Variants in NPFFR2 observed in about 807,000 individuals in gnomAD.
NPFFR2 encodes G-protein coupled receptor 74.
NPFFR2 carries 15 observed loss-of-function variants against 13.1 expected under a neutral mutation model. That is an observed-to-expected ratio of 1.15 (90% confidence interval 0.77 to 1.76). The LOEUF is 1.76. NPFFR2 is among the 40% of genes most tolerant of loss of function. The pLI is 0.00. For missense variants in NPFFR2, 572 were observed against 503.5 expected, an observed-to-expected ratio of 1.14 and a Z score of -1.30; for synonymous variants, 190 against 175.7, an observed-to-expected ratio of 1.08 and a Z score of -0.65.
rs1016258822 is a variant in NPFFR2, at chr4:72,104,208, A to G, written c.-7-24377A>G. Among the ~76,000 whole-genome samples the G allele has an allele frequency of 2.0e-5, 3 of 152,098 alleles. No individual in the cohort carries two copies. The East Asian group carries it at 5.8e-4, about 29-fold the overall frequency. On this transcript the variant is annotated intron_variant, in intron 1 of 3. Transcript: ENST00000308744. ...GAAAGAACATTCTTTCACAAGAAATAGAGAAGCTACCATGATAATAAAAGC... is the reference window on the plus strand; with the variant it reads ...GAAAGAACATTCTTTCACAAGAAATGGAGAAGCTACCATGATAATAAAAGC...
At chr4:72,088,305 T>A (rs1181449184) in intron 1 of NPFFR2, among the ~76,000 whole-genome samples, 1 of 152,066 alleles carries the variant, frequency 6.6e-6, no homozygotes, top group Non-Finnish European at 1.5e-5. Flanking sequence ...TCTACCACAT[T>A]CTTCTTTTCT....
intron 1 of NPFFR2, among the ~76,000 whole-genome samples, chr4:72,082,039 A>G (rs1259564668): frequency 6.6e-6 from 1 of 152,184 alleles, no homozygotes; most frequent in Non-Finnish European, 1.5e-5. Flanking sequence ...AGTAGCTTTA[A>G]GTAGACCACA....
intron 1 of NPFFR2, among the ~76,000 whole-genome samples, chr4:72,089,079 A>G (rs1720845048): frequency 6.6e-6 from 1 of 151,980 alleles, no homozygotes; most frequent in Non-Finnish European, 1.5e-5. Flanking sequence ...GAACATAACG[A>G]TGTTTGGTTT....
intron 1 of NPFFR2, among the ~76,000 whole-genome samples, chr4:72,076,883 G>A (rs1024752427): frequency 4.6e-5 from 7 of 152,128 alleles, no homozygotes; most frequent in African/African-American, 1.7e-4. Flanking sequence ...GAAACAGTCT[G>A]CACTGTCAGT....
intron 1 of NPFFR2, among the ~76,000 whole-genome samples, chr4:72,068,407 C>G: frequency 6.6e-6 from 1 of 152,258 alleles, no homozygotes; most frequent in African/African-American, 2.4e-5. Flanking sequence ...AAGGCTTAGT[C>G]CCATTTATTA....
intron 1 of NPFFR2, among the ~76,000 whole-genome samples, chr4:72,081,078 C>A: frequency 6.6e-6 from 1 of 152,204 alleles, no homozygotes; most frequent in East Asian, 1.9e-4. Context: ...TTCAAGATGA[C>A]TGTTTAATGA....
chr4:72,068,113 C>T (rs1720128259), intron 1 of NPFFR2, among the ~76,000 whole-genome samples: 1 of 152,210 alleles, frequency 6.6e-6, no homozygotes, highest in Admixed American at 6.5e-5. Flanking sequence ...TATAGCAACA[C>T]CCACTTCTTT....
In NPFFR2 at chr4:72,066,077, C is replaced by T. The variant is rs116375316; in HGVS notation, c.-8+33877C>T. ...ACAGAAATTTGTTTTCCCATAGTTC[C>T]GGAGCTTTGGAAGTCCAAGATCAAG... On this transcript the variant is annotated intron_variant, in intron 1 of 3. Transcript: ENST00000308744. Among the ~76,000 whole-genome samples, 361 of 152,258 alleles carry T rather than the reference C, an allele frequency of 2.4e-3. 2 individuals are homozygous for T. Among genetic ancestry groups the T allele is most frequent in the African/African-American group, 8.0e-3 (333 of 41,568 alleles).
intron 1 of NPFFR2, among the ~76,000 whole-genome samples, chr4:72,038,422 T>C (rs996006492): frequency 7.9e-5 from 12 of 152,186 alleles, no homozygotes; most frequent in Non-Finnish European, 1.6e-4. Context: ...ACTCAGAAAA[T>C]ATTTGTTCTG....
chr4:72,123,862 G>A (rs1721963139), intron 1 of NPFFR2, among the ~76,000 whole-genome samples: 2 of 152,206 alleles, frequency 1.3e-5, no homozygotes. Context: ...ACAAGTCAGG[G>A]ATGACCTCTC....
chr4:72,138,216 C>G (rs1722479329), intron 3 of NPFFR2, 77 bp downstream of exon 3: 1 of 871,552 alleles, frequency 1.1e-6, no homozygotes. Flanking sequence ...ATATAACCTA[C>G]TAAATTTGGA....
chr4:72,055,097 C>T (rs1314085207), intron 1 of NPFFR2, among the ~76,000 whole-genome samples: 1 of 151,696 alleles, frequency 6.6e-6, no homozygotes, highest in Non-Finnish European at 1.5e-5. Flanking sequence ...AAGCATTAGA[C>T]TAAGTAGAAG....
At chr4:72,038,272 G>C (rs1719095388) in intron 1 of NPFFR2, among the ~76,000 whole-genome samples, 1 of 152,130 alleles carries the variant, frequency 6.6e-6, no homozygotes, top group Non-Finnish European at 1.5e-5. Flanking sequence ...CTTGCTAGTT[G>C]AGACTTTCTC....
intron 1 of NPFFR2, among the ~76,000 whole-genome samples, chr4:72,032,467 C>T (rs1374157448): frequency 6.6e-6 from 1 of 152,240 alleles, no homozygotes; most frequent in Non-Finnish European, 1.5e-5. Context: ...GCGCTTTCTT[C>T]ACCTTAAAGT....
chr4:72,078,796 A>C (rs1720515501), intron 1 of NPFFR2, among the ~76,000 whole-genome samples: 1 of 152,118 alleles, frequency 6.6e-6, no homozygotes, highest in South Asian at 2.1e-4. Flanking sequence ...TGTAAAAGCA[A>C]TTCAGTGGAA....
chr4:72,131,057 T>C (rs1344590284), intron 2 of NPFFR2, among the ~76,000 whole-genome samples: 2 of 152,026 alleles, frequency 1.3e-5, no homozygotes, highest in Non-Finnish European at 2.9e-5. Context: ...CTGTTTTTTT[T>C]CTCGATGTTC....
chr4:72,077,403 T>G (rs141512621), intron 1 of NPFFR2, among the ~76,000 whole-genome samples: 250 of 152,260 alleles, frequency 1.6e-3, no homozygotes, highest in African/African-American at 5.6e-3. Flanking sequence ...AATGAAAGGT[T>G]GATTAAATAT....
chr4:72,090,213 G>T (rs28805338), intron 1 of NPFFR2, among the ~76,000 whole-genome samples: 4,429 of 151,988 alleles, frequency 0.029, 169 homozygotes, highest in African/African-American at 0.09. Context: ...CCATGCTGTT[G>T]TGGTGACTAT....
chr4:72,053,627 G>A (rs2109767732), intron 1 of NPFFR2, among the ~76,000 whole-genome samples: 1 of 151,778 alleles, frequency 6.6e-6, no homozygotes, highest in Non-Finnish European at 1.5e-5. Context: ...ATTATTATTT[G>A]TAAATTGACT....
Sources: gnomAD v4.1 joint callset for allele counts (sites outside exome capture counted in the v4.1 genomes callset) on GRCh38, gnomAD v4.1.1 for gene constraint, MANE v1.5 for transcripts, NCBI Gene and HGNC (gene_info 2026-07-23, HGNC 2026-07-21) for gene names.